ITGA9: variants seen among roughly 807,000 people sequenced by gnomAD.
The protein encoded by ITGA9 is integrin subunit alpha 9.
ITGA9 carries 56 observed loss-of-function variants against 127.8 expected under a neutral mutation model. The ratio of observed to expected loss-of-function variants is 0.44; its 90% CI spans 0.35 to 0.55. ITGA9 has a LOEUF of 0.55. ITGA9 is among the 20% of genes least tolerant of loss of function. The pLI is 0.00. For missense variants in ITGA9, 1,196 were observed against 1,347.1 expected (o/e 0.89, Z 1.76); for synonymous variants, 508 against 514.5 (o/e 0.99, Z 0.17).
In ITGA9 at chr3:37,637,260, T is replaced by C. The variant is rs557935132; in HGVS notation, c.1839+7924T>C. Among the ~76,000 whole-genome samples, 18 of 152,284 alleles carry C rather than the reference T, an allele frequency of 1.2e-4. No individual in the cohort carries two copies. In the East Asian group the frequency reaches 1.7e-3, roughly 15 times the overall value. ...TTTCACGATATTGATTCTTCCTACC[T>C]ACGAGCATGGAATGTTCTTCCGTTT... On this transcript the variant is annotated intron_variant, in intron 16 of 27. Coordinates refer to ENST00000264741, the MANE Select transcript of ITGA9 (RefSeq NM_002207.3).
chr3:37,555,205 G>A (rs181157771), intron 15 of ITGA9, among the ~76,000 whole-genome samples: 1 of 152,356 alleles, frequency 6.6e-6, no homozygotes, highest in East Asian at 1.9e-4. Flanking sequence ...AGAGCCTCCA[G>A]TGACTTCTGC....
intron 1 of ITGA9, among the ~76,000 whole-genome samples, chr3:37,457,459 C>T (rs1323027456): frequency 2.0e-5 from 3 of 152,140 alleles, no homozygotes; most frequent in African/African-American, 4.8e-5. Context: ...TGGCCCTGCC[C>T]GTCTTGCTGA....
At chr3:37,723,461 A>G (rs564407694) in intron 18 of ITGA9, among the ~76,000 whole-genome samples, 76 of 152,290 alleles carry the variant, frequency 5.0e-4, no homozygotes, top group African/African-American at 1.6e-3. Flanking sequence ...GCTGGGTTCA[A>G]TTGATCCTTC....
Position 37,481,508 on chromosome 3 carries a change from A to G in ITGA9, c.445A>G (p.Ile149Val), listed in dbSNP as rs1266354934. ...VLACAHRWKNIYYEADHILPH... is the reference protein window; with the variant it reads ...VLACAHRWKNVYYEADHILPH... ...GGCCTGTGCTCATCGCTGGAAGAACATCTACTATGAAGCCGACCACATCCT... is the reference window on the plus strand; with the variant it reads ...GGCCTGTGCTCATCGCTGGAAGAACGTCTACTATGAAGCCGACCACATCCT... Residue 149 changes from isoleucine (I) to valine (V), a missense_variant, in exon 4 of 28, where the codon ATC (isoleucine) becomes GTC (valine). Coordinates refer to ENST00000264741, the MANE Select transcript of ITGA9 (RefSeq NM_002207.3). The G allele has an allele frequency of 4.3e-6, 7 of 1,614,022 alleles. No homozygotes were observed. The highest frequency in any genetic ancestry group is 1.3e-5 in the African/African-American group (1 of 74,898).
intron 8 of ITGA9, among the ~76,000 whole-genome samples, chr3:37,508,847 T>G (rs1698872135): frequency 6.6e-6 from 1 of 152,056 alleles, no homozygotes; most frequent in Non-Finnish European, 1.5e-5. Flanking sequence ...GCAAGATGAG[T>G]TATATGGGGC....
intron 1 of ITGA9, among the ~76,000 whole-genome samples, chr3:37,470,619 A>G (rs1184470424): frequency 6.6e-6 from 1 of 152,170 alleles, no homozygotes. Flanking sequence ...GTTCCCACCC[A>G]TCCATCGCAG....
chr3:37,502,431 T>A (rs1698795878), intron 5 of ITGA9, among the ~76,000 whole-genome samples: 1 of 152,068 alleles, frequency 6.6e-6, no homozygotes, highest in Non-Finnish European at 1.5e-5. Flanking sequence ...GCCAGGCTGG[T>A]TTCAAACTCC....
At position 37,683,898 on chromosome 3, in the gene ITGA9, G is replaced by A. The variant is rs1241883769; in HGVS notation, c.1950G>A (p.Gly650=). 2 of 1,613,990 alleles carry A rather than the reference G, an allele frequency of 1.2e-6. No homozygotes were observed. Among genetic ancestry groups the A allele is most frequent in the South Asian group, 1.1e-5 (1 of 91,064 alleles). ...MDEKTLYLAL[G]AVKNISLNIS... Reference sequence around the variant, plus strand: ...AGAAAACCCTGTATCTAGCTTTGGGGGCTGTGAAGAACATCTCCCTAAACA... The same window carrying A: ...AGAAAACCCTGTATCTAGCTTTGGGAGCTGTGAAGAACATCTCCCTAAACA... The change falls in exon 18 of 28, where the codon GGG becomes GGA. Residue 650 remains glycine, a synonymous_variant. Transcript: ENST00000264741.
chr3:37,796,151 A>G (rs1372417972), intron 26 of ITGA9, among the ~76,000 whole-genome samples: 1 of 151,906 alleles, frequency 6.6e-6, no homozygotes, highest in Non-Finnish European at 1.5e-5. Flanking sequence ...TTTGCACATC[A>G]TGTTCCCTCT....
At chr3:37,726,962 A>G (rs891606686) in intron 18 of ITGA9, among the ~76,000 whole-genome samples, 13 of 152,238 alleles carry the variant, frequency 8.5e-5, no homozygotes, top group African/African-American at 2.2e-4. Flanking sequence ...TGAAAATATC[A>G]TAAGTTGAAA....
intron 15 of ITGA9, among the ~76,000 whole-genome samples, chr3:37,607,932 G>A (rs868565250): frequency 5.0e-4 from 76 of 152,310 alleles, no homozygotes; most frequent in South Asian, 3.9e-3. Context: ...GGGTAACTCC[G>A]TCTTCACCAT....
At chr3:37,691,833 G>A (rs1700835441) in intron 18 of ITGA9, among the ~76,000 whole-genome samples, 1 of 152,192 alleles carries the variant, frequency 6.6e-6, no homozygotes, top group Non-Finnish European at 1.5e-5. Context: ...CAACCGGAAT[G>A]TAGTGTCCAT....
At chr3:37,502,881 G>A (rs1698801465) in intron 5 of ITGA9, among the ~76,000 whole-genome samples, 1 of 152,206 alleles carries the variant, frequency 6.6e-6, no homozygotes, top group Admixed American at 6.5e-5. Context: ...GTTAGAGCCT[G>A]ATGTAAAGTT....
Position 37,734,788 on chromosome 3 carries a change from A to T in ITGA9, c.2154+1990A>T, listed in dbSNP as rs1432579560. On this transcript the variant is annotated intron_variant, in intron 19 of 27. Transcript: ENST00000264741. ...ATTACAGGCGTGAGCCACCGTGCCC[A>T]GCCAACATTTATTAGATAGAGCCCA... Among the ~76,000 whole-genome samples the T allele has an allele frequency of 1.1e-4, 16 of 152,202 alleles. No homozygotes were observed. The East Asian group carries it at 3.1e-3, about 29-fold the overall frequency.
At chr3:37,777,639 A>T in intron 24 of ITGA9, 122 bp downstream of exon 24, 1 of 1,123,460 alleles carries the variant, frequency 8.9e-7, no homozygotes, top group Non-Finnish European at 1.3e-6. Context: ...ACAAAGGCAC[A>T]GACTGTGGTC....
chr3:37,472,854 T>C (rs747984310), intron 2 of ITGA9, among the ~76,000 whole-genome samples: 16 of 151,978 alleles, frequency 1.1e-4, no homozygotes, highest in Non-Finnish European at 1.9e-4. Flanking sequence ...AGTCTTGCCA[T>C]GTGGTTGGGT....
At chr3:37,812,546 C>G (rs908555455) in intron 27 of ITGA9, among the ~76,000 whole-genome samples, 1 of 152,236 alleles carries the variant, frequency 6.6e-6, no homozygotes, top group Non-Finnish European at 1.5e-5. Flanking sequence ...TTGGGGCAAT[C>G]TGTTGTTTCC....
chr3:37,734,839 G>A (rs1696339446), intron 19 of ITGA9, among the ~76,000 whole-genome samples: 1 of 152,198 alleles, frequency 6.6e-6, no homozygotes, highest in Non-Finnish European at 1.5e-5. Context: ...TGGAATGTTG[G>A]TTGTTTTCCC....
At position 37,814,455 on chromosome 3, in the gene ITGA9, C is replaced by T. The variant is rs776446606; in HGVS notation, c.3010-4436C>T. On this transcript the variant is annotated intron_variant, in intron 27 of 27. Transcript: ENST00000264741. The surrounding 1 kb of genome is among the most constrained non-coding windows in gnomAD (Gnocchi z 4.3). ...TGGTGCAGACCTGTAATTCCAGCTA[C>T]TTGGGAGGCTGAGGCAGGAGAATCG... Among the ~76,000 whole-genome samples, 1 of 152,160 alleles carries T rather than the reference C, an allele frequency of 6.6e-6. No individual in the cohort carries two copies. The highest frequency in any genetic ancestry group is 1.5e-5 in the Non-Finnish European group (1 of 68,028).
Sources: gnomAD v4.1 joint callset for allele counts (sites outside exome capture counted in the v4.1 genomes callset) on GRCh38, gnomAD v4.1.1 for gene constraint, Gnocchi (gnomAD v3.1) non-coding constraint, MANE v1.5 for transcripts, NCBI Gene and HGNC (gene_info 2026-07-23, HGNC 2026-07-21) for gene names.